Variants in HEATR5B observed in about 807,000 individuals in gnomAD.
HEATR5B encodes the protein HEAT repeat containing 5B.
A neutral mutation model predicts 224.1 loss-of-function variants in HEATR5B; 156 were observed. The observed-to-expected ratio is 0.70, with a 90% CI of 0.61 to 0.80. The LOEUF (loss-of-function observed/expected upper bound fraction) is 0.80. Ranked by LOEUF, HEATR5B falls within the 30% of genes least tolerant of loss-of-function variation. The probability of loss-of-function intolerance (pLI) is 0.00; values close to 1 mark genes in which losing one functional copy is unlikely to be tolerated. For missense variants in HEATR5B, 2,323 were observed against 2,535.5 expected, an observed-to-expected ratio of 0.92 and a Z score of 1.80; for synonymous variants, 1,027 against 893.0, an observed-to-expected ratio of 1.15 and a Z score of -2.68.
intron 8 of HEATR5B, among the ~76,000 whole-genome samples, chr2:37,067,293 C>T (rs753353374): frequency 1.1e-4 from 16 of 152,184 alleles, no homozygotes; most frequent in Non-Finnish European, 1.9e-4. Flanking sequence ...CTATTTTACT[C>T]CCACCATTTG....
chr2:37,024,786 C>T (rs917515176), intron 24 of HEATR5B, among the ~76,000 whole-genome samples: 4 of 152,190 alleles, frequency 2.6e-5, no homozygotes, highest in African/African-American at 9.7e-5. Flanking sequence ...TATCAATCTA[C>T]CAAACCAAAA....
intron 26 of HEATR5B, among the ~76,000 whole-genome samples, chr2:37,019,595 T>A (rs72873859): frequency 6.6e-6 from 1 of 151,802 alleles, no homozygotes; most frequent in South Asian, 2.1e-4. Context: ...TAGCCTGGAC[T>A]ACAGGTGTAT....
At position 37,003,655 on chromosome 2, in the gene HEATR5B, T is replaced by A. The variant is rs1193483211; in HGVS notation, c.4937A>T (p.His1646Leu). 6.2e-7 allele frequency: 1 copy of A among 1,611,086 alleles called. No homozygotes were observed. The highest frequency in any genetic ancestry group is 1.1e-5 in the South Asian group (1 of 90,590). ...TGGATTCCAGGTCAATAGAAGGCGG[T>A]GCAAAACACTCAGCAACTCAACACC... ...LIGVELLSVL[H>L]RLLLTWNPSS... Residue 1646 changes from histidine (H) to leucine (L), a missense_variant, in exon 31 of 36, where the codon CAC (histidine) becomes CTC (leucine). Physicochemically the swap from His to Leu is moderately conservative, Grantham distance 99 (BLOSUM62 -3). Around this residue, in one of 12 missense-constraint regions of HEATR5B, gnomAD observed 844 missense variants for 812.9 expected, o/e 1.04. Transcript: ENST00000233099.
chr2:36,996,960 T>G (rs1666760731), intron 33 of HEATR5B, among the ~76,000 whole-genome samples: 1 of 132,076 alleles, frequency 7.6e-6, no homozygotes, highest in East Asian at 2.3e-4. Flanking sequence ...TGACCTCAAG[T>G]GATCAACCCA....
At position 37,008,716 on chromosome 2, in the gene HEATR5B, C is replaced by A. The variant is rs1667590732; in HGVS notation, c.4417G>T (p.Val1473Leu). The A allele has an allele frequency of 6.2e-7, 1 of 1,613,940 alleles. No homozygotes were observed. Among genetic ancestry groups the A allele is most frequent in the Admixed American group, 1.7e-5 (1 of 59,990 alleles). ...ELPPDSLITL[V>L]QPELPTLSRL... The stretch of plus-strand genomic sequence containing the variant: ...CTGAGTGTTGGTAGTTCAGGTTGTA[C>A]CAGTGTTATTAAACTATCTGGTGGC... Residue 1473 changes from valine (V) to leucine (L), a missense_variant, in exon 28 of 36, where the codon GTA becomes TTA. This residue lies in a region of HEATR5B where 844 missense variants were observed against 812.9 expected (regional missense o/e 1.04). Transcript: ENST00000233099.
chr2:37,002,705 T>A lies in HEATR5B; in HGVS notation c.5051-133A>T, dbSNP rs1285667174. 5 of 860,860 alleles carry A rather than the reference T, an allele frequency of 5.8e-6. No homozygotes were observed. In the East Asian group the frequency reaches 1.3e-4, roughly 23 times the overall value. 53.3% of individuals were successfully genotyped at this position (860,860 alleles called of 1,614,324 possible). ...ATAATGTCACACGTCCTTCTCTGTA[T>A]AATTCTCTGCCTCCCTAGAATTCTG... On this transcript the variant is annotated intron_variant, in intron 31 of 35. Transcript: ENST00000233099.
At position 37,028,668 on chromosome 2, in the gene HEATR5B, A is replaced by G; in HGVS notation, c.3601+13T>C. On this transcript the variant is annotated intron_variant, in intron 23 of 35. Transcript: ENST00000233099. ...AATTTCCATTATTTTAAGAACGCAC[A>G]TTAAATACTTACCACTAGAAGCTGC... 6.2e-7 allele frequency: 1 copy of G among 1,612,512 alleles called. No individual in the cohort carries two copies. The highest frequency in any genetic ancestry group is 1.7e-5 in the Admixed American group (1 of 59,866).
At chr2:37,051,494 C>T (rs1032538322) in intron 17 of HEATR5B, among the ~76,000 whole-genome samples, 4 of 151,718 alleles carry the variant, frequency 2.6e-5, no homozygotes, top group Non-Finnish European at 4.4e-5. Flanking sequence ...TTATTTGAGA[C>T]CAAAAATCTA....
Position 37,053,486 on chromosome 2 carries a change from T to G in HEATR5B, c.2505+16A>C. The G allele has an allele frequency of 7.1e-7, 1 of 1,405,806 alleles. No individual in the cohort carries two copies. Among genetic ancestry groups the G allele is most frequent in the Non-Finnish European group, 9.9e-7 (1 of 1,008,566 alleles). 87.1% of individuals were successfully genotyped at this position (1,405,806 alleles called of 1,614,324 possible). On this transcript the variant is annotated intron_variant, in intron 17 of 35. Transcript: ENST00000233099. Reference sequence around the variant, plus strand: ...TAAAAACTTATTTCAGAATAGTATGTATTAAAAGTAAATACCTTTAGTGCA... The same window carrying G: ...TAAAAACTTATTTCAGAATAGTATGGATTAAAAGTAAATACCTTTAGTGCA...
chr2:37,065,938 A>C, intron 8 of HEATR5B, 28 bp from the exon 9 acceptor site: 1 of 1,582,376 alleles, frequency 6.3e-7, no homozygotes, highest in Non-Finnish European at 8.6e-7. Context: ...TGTCTTTGAC[A>C]TAGGAGAAAT....
chr2:37,059,462 ATATT>A (rs1379606087), intron 12 of HEATR5B, among the ~76,000 whole-genome samples: 1 of 93,900 alleles, frequency 1.1e-5, no homozygotes, highest in African/African-American at 4.2e-5. Flanking sequence ...ATATATATAT[ATATT>A]TTTTTTTTTT....
At chr2:37,074,371 GA>G (rs1334908298) in intron 5 of HEATR5B, among the ~76,000 whole-genome samples, 1,381 of 131,698 alleles carry the variant, frequency 0.01, 21 homozygotes, top group African/African-American at 0.036. Context: ...TATCCATATT[GA>G]AAAAAAAAAC....
Position 37,082,052 on chromosome 2 carries a change from C to CTTTTTT in HEATR5B, c.126+1231_126+1236dup. ...ATCAGACATTTGAGGGAAGTATCTA[C>CTTTTTT]TTTTTTTTTTTTTTTTTTTTTTTTT... On this transcript the variant is annotated intron_variant, in intron 2 of 35. Coordinates refer to ENST00000233099, the MANE Select transcript of HEATR5B (RefSeq NM_019024.3). Among the ~76,000 whole-genome samples the CTTTTTT allele has an allele frequency of 1.4e-3, 34 of 23,960 alleles. 7 individuals carry two copies. Among genetic ancestry groups the CTTTTTT allele is most frequent in the South Asian group, 6.5e-3 (2 of 308 alleles). 15.7% of individuals were successfully genotyped at this position (23,960 alleles called of 152,430 possible). A position where few individuals can be genotyped will look rare whatever the true frequency, so the allele number is the denominator to read the frequency against.
intron 33 of HEATR5B, among the ~76,000 whole-genome samples, chr2:36,996,652 C>T (rs976991021): frequency 2.0e-5 from 3 of 151,860 alleles, no homozygotes; most frequent in Non-Finnish European, 4.4e-5. Flanking sequence ...AGTGCAATGG[C>T]GTGATTTCGG....
At chr2:36,994,551 A>T (rs1047126884) in intron 33 of HEATR5B, among the ~76,000 whole-genome samples, 2 of 152,184 alleles carry the variant, frequency 1.3e-5, no homozygotes, top group African/African-American at 4.8e-5. Flanking sequence ...TCCCTACTTC[A>T]TAACTGGCTG....
intron 15 of HEATR5B, among the ~76,000 whole-genome samples, chr2:37,057,106 C>A (rs1415621341): frequency 2.0e-5 from 3 of 152,156 alleles, no homozygotes; most frequent in Admixed American, 6.6e-5. Flanking sequence ...TCTAAATACA[C>A]AGAATATTAA....
chr2:36,994,353 C>G (rs1284566325), intron 33 of HEATR5B, among the ~76,000 whole-genome samples: 1 of 152,024 alleles, frequency 6.6e-6, no homozygotes, highest in Non-Finnish European at 1.5e-5. Context: ...TCATTAGATC[C>G]AAGAAGATTT....
At chr2:37,055,119 C>A in intron 16 of HEATR5B, 1 of 401,282 alleles carries the variant, frequency 2.5e-6, no homozygotes, top group East Asian at 8.7e-5. Flanking sequence ...TATATTAAGC[C>A]GCACAGCCTG....
intron 22 of HEATR5B, among the ~76,000 whole-genome samples, chr2:37,031,037 A>G (rs555822151): frequency 2.0e-5 from 3 of 152,356 alleles, no homozygotes; most frequent in South Asian, 2.1e-4. Flanking sequence ...TCAGCCCCCA[A>G]TAAAAACATT....
Sources: gnomAD v4.1 joint callset for allele counts (sites outside exome capture counted in the v4.1 genomes callset) on GRCh38, gnomAD v4.1.1 for gene constraint, gnomAD v4.1.1 regional missense constraint, MANE v1.5 for transcripts, NCBI Gene and HGNC (gene_info 2026-07-23, HGNC 2026-07-21) for gene names.